TMEM108: variants seen among roughly 807,000 people sequenced by gnomAD.
TMEM108 encodes the protein cancer/testis antigen 124.
TMEM108 carries 12 observed loss-of-function variants against 35.1 expected under a neutral mutation model. The observed-to-expected ratio is 0.34, with a 90% confidence interval of 0.22 to 0.55. The LOEUF (loss-of-function observed/expected upper bound fraction) is 0.55, where lower values mean the gene tolerates loss of function less well. TMEM108 is among the 20% of genes least tolerant of loss of function. TMEM108 has a pLI of 0.89. For missense variants in TMEM108, 680 were observed against 753.3 expected, an observed-to-expected ratio of 0.90 and a Z score of 1.14; for synonymous variants, 287 against 308.6, an observed-to-expected ratio of 0.93 and a Z score of 0.73.
At chr3:133,253,879 G>C (rs1464072635) in intron 3 of TMEM108, among the ~76,000 whole-genome samples, 1 of 152,170 alleles carries the variant, frequency 6.6e-6, no homozygotes, top group Non-Finnish European at 1.5e-5. Context: ...AAAGGAAAAA[G>C]ATAACATGCC....
intron 2 of TMEM108, among the ~76,000 whole-genome samples, chr3:133,203,628 C>A (rs568954495): frequency 1.3e-5 from 2 of 152,312 alleles, no homozygotes; most frequent in African/African-American, 4.8e-5. Flanking sequence ...ACCAGCCTTG[C>A]ATCCCCGGGA....
chr3:133,352,064 A>T (rs1360599557), intron 3 of TMEM108, among the ~76,000 whole-genome samples: 1 of 152,178 alleles, frequency 6.6e-6, no homozygotes, highest in Non-Finnish European at 1.5e-5. Flanking sequence ...AAACTTTAAG[A>T]TTACACCTTG....
intron 2 of TMEM108, among the ~76,000 whole-genome samples, chr3:133,194,311 G>A (rs1049773327): frequency 5.3e-5 from 8 of 152,084 alleles, no homozygotes; most frequent in Admixed American, 3.3e-4. Context: ...AGTAATATAA[G>A]CAATTTCACT....
intron 4 of TMEM108, 102 bp from the exon 5 acceptor site, chr3:133,390,078 A>T: frequency 7.1e-7 from 1 of 1,415,298 alleles, no homozygotes; most frequent in Non-Finnish European, 9.8e-7. Flanking sequence ...TTCCCACCAT[A>T]CACTTACTCC....
rs546441425 is a variant in TMEM108 at position 133,083,143 on chromosome 3, C to G, written c.-47+37123C>G. On this transcript the variant is annotated intron_variant, in intron 2 of 5. Coordinates refer to ENST00000321871, the MANE Select transcript of TMEM108 (RefSeq NM_023943.4). The stretch of plus-strand genomic sequence containing the variant: ...TGTGCTTTCAACTACCAAGCTGTTT[C>G]GCCTCTCAAGAGACATTACTTGGAA... Among the ~76,000 whole-genome samples, 3 of 151,974 alleles carry G rather than the reference C, an allele frequency of 2.0e-5. No homozygotes were observed. In the South Asian group the frequency reaches 6.2e-4, roughly 32 times the overall value.
chr3:133,043,494 A>G (rs1265411090), intron 1 of TMEM108, among the ~76,000 whole-genome samples: 1 of 152,216 alleles, frequency 6.6e-6, no homozygotes, highest in Non-Finnish European at 1.5e-5. Flanking sequence ...TTAATAATGT[A>G]TATGCGAGTA....
At chr3:133,194,932 C>T (rs1199495160) in intron 2 of TMEM108, among the ~76,000 whole-genome samples, 1 of 152,162 alleles carries the variant, frequency 6.6e-6, no homozygotes, top group Non-Finnish European at 1.5e-5. Context: ...CATGTGTGTG[C>T]ATGTCTCTCA....
At chr3:133,235,836 A>G (rs866898585) in intron 3 of TMEM108, among the ~76,000 whole-genome samples, 1 of 152,158 alleles carries the variant, frequency 6.6e-6, no homozygotes, top group Non-Finnish European at 1.5e-5. Context: ...AGGAATTGAC[A>G]TGATCAAGAC....
At chr3:133,323,493 A>G (rs184847325) in intron 3 of TMEM108, among the ~76,000 whole-genome samples, 50 of 152,292 alleles carry the variant, frequency 3.3e-4, no homozygotes, top group African/African-American at 1.2e-3. Flanking sequence ...TCTACAAGGA[A>G]AACTACAGAA....
At chr3:133,124,868 A>C (rs995979963) in intron 2 of TMEM108, 1 of 152,306 alleles carries the variant, frequency 6.6e-6, no homozygotes, top group Non-Finnish European at 1.5e-5. Flanking sequence ...CTGCTCAGGA[A>C]TGGGAACCCA....
intron 3 of TMEM108, among the ~76,000 whole-genome samples, chr3:133,267,780 T>A (rs1331679684): frequency 6.6e-6 from 1 of 152,232 alleles, no homozygotes; most frequent in African/African-American, 2.4e-5. Flanking sequence ...CCTCCTCAGT[T>A]CTTTACCATG....
intron 2 of TMEM108, among the ~76,000 whole-genome samples, chr3:133,076,448 C>T (rs1175574731): frequency 1.3e-5 from 2 of 152,118 alleles, no homozygotes; most frequent in Non-Finnish European, 2.9e-5. Flanking sequence ...AAGTCGCTTA[C>T]TGCTTATTTC....
intron 2 of TMEM108, among the ~76,000 whole-genome samples, chr3:133,212,931 GTTTC>G (rs1439634357): frequency 6.6e-6 from 1 of 150,764 alleles, no homozygotes; most frequent in Non-Finnish European, 1.5e-5. Flanking sequence ...GAGAACAACT[GTTTC>G]TTTATGGAAG....
chr3:133,242,397 C>T (rs1207248073), intron 3 of TMEM108, among the ~76,000 whole-genome samples: 2 of 152,162 alleles, frequency 1.3e-5, no homozygotes, highest in African/African-American at 2.4e-5. Flanking sequence ...AGAGATGGAA[C>T]CATGAGTTTA....
At position 133,244,873 on chromosome 3, in the gene TMEM108, A is replaced by G. The variant is rs150176870; in HGVS notation, c.40+15522A>G. 1.8e-4 allele frequency among the ~76,000 whole-genome samples: 28 copies of G among 152,354 alleles called. No individual in the cohort carries two copies. In the East Asian group the frequency reaches 5.2e-3, roughly 28 times the overall value. On this transcript the variant is annotated intron_variant, in intron 3 of 5. Coordinates refer to ENST00000321871, the MANE Select transcript of TMEM108 (RefSeq NM_023943.4). ...GGTGGTCCAGATTTTGGAGGAAAAC[A>G]TTCTTGTGTGTACAACAGGGAATTT...
chr3:133,324,309 C>T (rs1024899134), intron 3 of TMEM108, among the ~76,000 whole-genome samples: 32 of 152,070 alleles, frequency 2.1e-4, no homozygotes, highest in African/African-American at 7.5e-4. Context: ...CTACAAGGAA[C>T]TCAAACAAGT....
chr3:133,176,383 C>T (rs962702607), intron 2 of TMEM108, among the ~76,000 whole-genome samples: 2 of 152,164 alleles, frequency 1.3e-5, no homozygotes, highest in African/African-American at 4.8e-5. Context: ...TTTTCAGCAC[C>T]ACATCGCTCT....
At chr3:133,198,378 C>T (rs1945610658) in intron 2 of TMEM108, among the ~76,000 whole-genome samples, 1 of 152,124 alleles carries the variant, frequency 6.6e-6, no homozygotes, top group South Asian at 2.1e-4. Context: ...ATGGGAGTTG[C>T]ATATGGTAAG....
intron 2 of TMEM108, among the ~76,000 whole-genome samples, chr3:133,183,809 A>G (rs1309084371): frequency 3.9e-5 from 6 of 152,324 alleles, no homozygotes; most frequent in Non-Finnish European, 7.4e-5. Flanking sequence ...CAGCATCATA[A>G]CAGATGTTAG....
Sources: allele counts gnomAD v4.1 joint callset (sites outside exome capture counted in the v4.1 genomes callset), GRCh38; gene constraint gnomAD v4.1.1; transcripts MANE v1.5; gene names NCBI Gene and HGNC (gene_info 2026-07-23, HGNC 2026-07-21).